The following PPP6R1 variants were observed in gnomAD, a reference collection of about 807,000 sequenced individuals.
PPP6R1 encodes the protein serine/threonine-protein phosphatase 6 regulatory subunit 1.
In PPP6R1, 39 loss-of-function variants were observed where a neutral mutation model predicts 104.6. The observed-to-expected ratio is 0.37, with a 90% CI of 0.29 to 0.49. The LOEUF (loss-of-function observed/expected upper bound fraction) is 0.49, where lower values mean the gene tolerates loss of function less well. Among genes scored for constraint, PPP6R1 ranks in the 20% least tolerant of loss-of-function variants. The pLI is 0.98. For missense variants in PPP6R1, 1,181 were observed against 1,155.8 expected (o/e 1.02, Z -0.32); for synonymous variants, 549 against 479.0 (o/e 1.15, Z -1.91).
At chr19:55,233,563 A>C (rs1268010031) in intron 17 of PPP6R1, among the ~76,000 whole-genome samples, 1 of 152,244 alleles carries the variant, frequency 6.6e-6, no homozygotes, top group Non-Finnish European at 1.5e-5. Flanking sequence ...AGTCCACTAA[A>C]ACTATCAGAA....
At position 55,258,985 on chromosome 19, in the gene PPP6R1, A is replaced by ACGCCCGGCTCCCTCCGC. The variant is rs2087618914; in HGVS notation, c.-574_-558dup. ...TCTGCGGCCGGCCTCAGGGCCTCCG[A>ACGCCCGGCTCCCTCCGC]CGCCCGGCTCCCTCCGCCACTATCC... is the stretch of plus-strand genomic sequence containing the variant. On this transcript the variant is annotated 5_prime_UTR_variant, in exon 1 of 24. Transcript: ENST00000412770. The ACGCCCGGCTCCCTCCGC allele has an allele frequency of 6.6e-6, 1 of 151,890 alleles. No homozygotes were observed. Among genetic ancestry groups the ACGCCCGGCTCCCTCCGC allele is most frequent in the South Asian group, 2.1e-4 (1 of 4,816 alleles). 9.4% of individuals were successfully genotyped at this position (151,890 alleles called of 1,614,324 possible).
chr19:55,228,720 G>C, downstream of PPP6R1: 1 of 1,613,250 alleles, frequency 6.2e-7, no homozygotes, highest in Non-Finnish European at 8.5e-7. Context: ...TTCAGGGTCT[G>C]CCCCGCTTTG....
chr19:55,240,169 G>T (rs1264130332), intron 11 of PPP6R1, 55 bp from the exon 12 acceptor site: 4 of 1,561,140 alleles, frequency 2.6e-6, no homozygotes, highest in Non-Finnish European at 3.5e-6. Context: ...GGGATGCCCA[G>T]CCCCAGCCCG....
rs1431309052 is a variant in PPP6R1 at position 55,241,028 on chromosome 19, C to T, written c.1213G>A (p.Gly405Arg). 8 of 1,571,644 alleles carry T rather than the reference C, an allele frequency of 5.1e-6. No homozygotes were observed. In the South Asian group the frequency reaches 9.4e-5, roughly 18 times the overall value. The change falls in exon 10 of 24, where the codon GGA becomes AGA. Residue 405 changes from glycine to arginine, a missense_variant. This residue lies in a region of PPP6R1 where 1,042 missense variants were observed against 955.6 expected (regional missense o/e 1.09). Coordinates refer to ENST00000412770, the MANE Select transcript of PPP6R1 (RefSeq NM_014931.4). The surrounding 1 kb of genome is among the most constrained non-coding windows in gnomAD (Gnocchi z 5.4). ...FNNFLHAQVEGCVSTMLSLGP... is the reference protein window; with the variant it reads ...FNNFLHAQVERCVSTMLSLGP... ...AAGCTCAGCATGGTGCTCACGCATCCCTCTACTTGGGCATGCAAGAAGTTG... is the reference window on the plus strand; with the variant it reads ...AAGCTCAGCATGGTGCTCACGCATCTCTCTACTTGGGCATGCAAGAAGTTG...
chr19:55,242,348 C>A (rs544056480), intron 6 of PPP6R1, 28 bp downstream of exon 6: 5 of 1,612,234 alleles, frequency 3.1e-6, no homozygotes, highest in African/African-American at 1.3e-5. Context: ...TCAGCTCCCC[C>A]CAGCCTTAGC....
At chr19:55,257,003 T>G (rs1463532196) in intron 1 of PPP6R1, among the ~76,000 whole-genome samples, 1 of 150,214 alleles carries the variant, frequency 6.7e-6, no homozygotes, top group African/African-American at 2.5e-5. Context: ...GGACTCGGCC[T>G]AGGTCTGTCT....
chr19:55,232,797 T>A (rs1325117037), intron 17 of PPP6R1: 2 of 152,542 alleles, frequency 1.3e-5, no homozygotes, highest in Non-Finnish European at 2.9e-5. Context: ...CCAAGCAACC[T>A]ACGTGCTGAT....
At position 55,230,444 on chromosome 19, in the gene PPP6R1, G is replaced by T; in HGVS notation, c.*84C>A. ...GTGTCAGGGTGATGAGGGCAATGGG[G>T]GCCATCGTGGGACCCGCCCTGCCCC... On this transcript the variant is annotated 3_prime_UTR_variant, in exon 24 of 24. Transcript: ENST00000412770. The T allele has an allele frequency of 4.4e-6, 7 of 1,578,516 alleles. No homozygotes were observed. The highest frequency in any genetic ancestry group is 6.1e-6 in the Non-Finnish European group (7 of 1,154,588).
downstream of PPP6R1, chr19:55,228,646 G>A (rs1162861242): frequency 3.1e-6 from 5 of 1,592,266 alleles, no homozygotes; most frequent in Non-Finnish European, 3.4e-6. Flanking sequence ...TGGGGTTCCA[G>A]GGCCCTGTCC....
chr19:55,231,272 G>A (rs995598049), intron 21 of PPP6R1, 138 bp downstream of exon 21: 110 of 1,066,108 alleles, frequency 1.0e-4, no homozygotes, highest in South Asian at 1.4e-4. Context: ...AGGGGCTGGG[G>A]CACAACATGA....
intron 17 of PPP6R1, 148 bp from the exon 18 acceptor site, chr19:55,232,359 G>A (rs577179107): frequency 1.4e-4 from 171 of 1,215,448 alleles, no homozygotes; most frequent in Non-Finnish European, 1.6e-4. Flanking sequence ...GGGGTGTGAC[G>A]ACACCAGGAG....
In PPP6R1 at chr19:55,232,000, G is replaced by T; in HGVS notation, c.2126-18C>A. 3 of 1,604,832 alleles carry T rather than the reference G, an allele frequency of 1.9e-6. No homozygotes were observed. Among genetic ancestry groups the T allele is most frequent in the Non-Finnish European group, 2.6e-6 (3 of 1,174,116 alleles). On this transcript the variant is annotated intron_variant, in intron 18 of 23. Transcript: ENST00000412770. ...GCTGGGGCCTGGGATAGAGGTGGGG[G>T]AGCGGGATGGAGGGTGAACTCAGTA...
chr19:55,245,173 C>G lies in PPP6R1; in HGVS notation c.565G>C (p.Glu189Gln), dbSNP rs750612148. The G allele has an allele frequency of 6.2e-7, 1 of 1,613,116 alleles. No individual in the cohort carries two copies. Residue 189 changes from glutamate (E) to glutamine (Q), a missense_variant, in exon 5 of 24, where the codon GAG becomes CAG. Around this residue, in one of 2 missense-constraint regions of PPP6R1, gnomAD observed 1,042 missense variants for 955.6 expected, o/e 1.09. Coordinates refer to ENST00000412770, the MANE Select transcript of PPP6R1 (RefSeq NM_014931.4). This position sits in a 1 kb window ranked among gnomAD's most constrained non-coding sequence, Gnocchi z 6.4. ...TCAATCAGCCGCTGGACGATCTTCT[C>G]CTCGTTGAGCCACTGAGGGTGAGAA... is the stretch of plus-strand genomic sequence containing the variant. The part of the protein sequence containing the change: ...RQDVVNWLNE[E>Q]KIVQRLIEQI...
chr19:55,228,340 G>C (rs1568940604), downstream of PPP6R1: 1 of 1,613,912 alleles, frequency 6.2e-7, no homozygotes, highest in East Asian at 2.2e-5. Context: ...CTTGACCAGG[G>C]CAGCGAACCA....
chr19:55,247,993 T>C (rs2087524438), intron 1 of PPP6R1, among the ~76,000 whole-genome samples: 1 of 152,228 alleles, frequency 6.6e-6, no homozygotes, highest in African/African-American at 2.4e-5. Context: ...GCCTGGTTCC[T>C]CAGCCTGGTT....
At chr19:55,240,202 G>C in intron 11 of PPP6R1, 34 bp downstream of exon 11, 9 of 1,572,226 alleles carry the variant, frequency 5.7e-6, no homozygotes, top group Non-Finnish European at 7.8e-6. Flanking sequence ...GGCAGCCCCA[G>C]CCCCTGGAGA....
downstream of PPP6R1, chr19:55,229,594 G>C (rs1185495129): frequency 6.6e-6 from 1 of 152,246 alleles, no homozygotes; most frequent in Admixed American, 6.5e-5. Context: ...CACAGGTGGG[G>C]TAGACCTGGC....
intron 16 of PPP6R1, 26 bp downstream of exon 16, chr19:55,236,887 C>A (rs763203997): frequency 6.2e-7 from 1 of 1,612,506 alleles, no homozygotes; most frequent in Non-Finnish European, 8.5e-7. Context: ...CCACCCGCCA[C>A]AACCAGGGGA....
At chr19:55,251,440 C>T (rs553798423) in intron 1 of PPP6R1, among the ~76,000 whole-genome samples, 1 of 152,300 alleles carries the variant, frequency 6.6e-6, no homozygotes, top group Non-Finnish European at 1.5e-5. Context: ...AAATCACTCC[C>T]ACTCCGGCCC....
Sources: allele counts gnomAD v4.1 joint callset (sites outside exome capture counted in the v4.1 genomes callset), GRCh38; gene constraint gnomAD v4.1.1; regional missense constraint gnomAD v4.1.1; non-coding constraint Gnocchi (gnomAD v3.1); transcripts MANE v1.5; gene names NCBI Gene and HGNC (gene_info 2026-07-23, HGNC 2026-07-21).